The following AGBL1 variants were observed in gnomAD, a reference collection of about 807,000 sequenced individuals.
AGBL1 encodes cytosolic carboxypeptidase 4.
In AGBL1, 130 loss-of-function variants were observed where a neutral mutation model predicts 118.9. That is an observed-to-expected ratio of 1.09 (90% CI 0.95 to 1.26). The LOEUF (loss-of-function observed/expected upper bound fraction) is 1.26. Ranked by LOEUF, AGBL1 falls within the 50% of genes most tolerant of loss-of-function variation. The pLI is 0.00. For missense variants in AGBL1, 1,584 were observed against 1,298.1 expected, an observed-to-expected ratio of 1.22 and a Z score of -3.38; for synonymous variants, 555 against 478.9, an observed-to-expected ratio of 1.16 and a Z score of -2.08.
At chr15:86,769,798 G>T (rs147146385) in intron 22 of AGBL1, among the ~76,000 whole-genome samples, 1 of 152,050 alleles carries the variant, frequency 6.6e-6, no homozygotes, top group African/African-American at 2.4e-5. Context: ...AGACATGTTT[G>T]GGATGAGTAT....
chr15:86,397,522 A>G lies in AGBL1; in HGVS notation c.2531A>G (p.Asn844Ser), dbSNP rs753346758. The change falls in exon 18 of 23, where the codon AAC becomes AGC. Residue 844 changes from asparagine to serine, a missense_variant. By Grantham distance (46) the Asn-to-Ser change is conservative. Coordinates refer to ENST00000614907, the MANE Select transcript of AGBL1 (RefSeq NM_001386094.1). ...NFIFKIIPMLNPDGVINGNHR... is the reference protein window; with the variant it reads ...NFIFKIIPMLSPDGVINGNHR... Reference sequence around the variant, plus strand: ...ATCTTCAAGATCATACCCATGCTCAACCCAGATGGTGTCATCAACGGCAAG... The same window carrying G: ...ATCTTCAAGATCATACCCATGCTCAGCCCAGATGGTGTCATCAACGGCAAG... The G allele has an allele frequency of 1.2e-5, 20 of 1,611,014 alleles. No homozygotes were observed. The highest frequency in any genetic ancestry group is 1.6e-5 in the Non-Finnish European group (19 of 1,178,722).
At chr15:86,171,497 G>A (rs995298949) in intron 5 of AGBL1, among the ~76,000 whole-genome samples, 2 of 152,048 alleles carry the variant, frequency 1.3e-5, no homozygotes, top group African/African-American at 2.4e-5. Flanking sequence ...TAAGAGTTAC[G>A]GCTAATGAGT....
chr15:86,838,245 G>A (rs2141430723), intron 22 of AGBL1, among the ~76,000 whole-genome samples: 1 of 151,796 alleles, frequency 6.6e-6, no homozygotes, highest in African/African-American at 2.4e-5. Context: ...TTCCTGCTCT[G>A]AACACAGTGC....
chr15:86,234,994 G>T (rs775820019), intron 6 of AGBL1, among the ~76,000 whole-genome samples: 2 of 151,998 alleles, frequency 1.3e-5, no homozygotes, highest in Admixed American at 6.6e-5. Context: ...CTGTAAAAGC[G>T]CCAGATGATA....
chr15:86,534,643 C>G (rs991631325), intron 19 of AGBL1, among the ~76,000 whole-genome samples: 1 of 152,076 alleles, frequency 6.6e-6, no homozygotes, highest in Non-Finnish European at 1.5e-5. Flanking sequence ...GAAGCCCAGA[C>G]ACAGCAAAGT....
intron 1 of AGBL1, among the ~76,000 whole-genome samples, chr15:86,094,936 G>A (rs953760636): frequency 3.3e-5 from 5 of 152,164 alleles, no homozygotes; most frequent in African/African-American, 4.8e-5. Context: ...TTCTACTTCA[G>A]ATGCCAATCA....
At chr15:86,310,065 CT>C (rs1282607723) in intron 17 of AGBL1, among the ~76,000 whole-genome samples, 1 of 152,064 alleles carries the variant, frequency 6.6e-6, no homozygotes, top group Non-Finnish European at 1.5e-5. Flanking sequence ...CTGAGCTTTT[CT>C]TTGTTGGGAG....
intron 22 of AGBL1, among the ~76,000 whole-genome samples, chr15:86,708,058 C>T (rs1321069495): frequency 6.6e-6 from 1 of 152,136 alleles, no homozygotes; most frequent in African/African-American, 2.4e-5. Flanking sequence ...TACTGCTTGA[C>T]AATTGCCATT....
rs1256643398 is a variant in AGBL1 at position 86,909,482 on chromosome 15, C to T, written c.*2188C>T. The T allele has an allele frequency of 6.6e-6, 1 of 152,194 alleles. No homozygotes were observed. The highest frequency in any genetic ancestry group is 6.5e-5 in the Admixed American group (1 of 15,278). 9.4% of individuals were successfully genotyped at this position (152,194 alleles called of 1,614,324 possible). ...GTGTTGTGATTTTGGGAGTTGATAA[C>T]ATTATTAATAGTCTCTTATTTTTTT... On this transcript the variant is annotated 3_prime_UTR_variant, in exon 23 of 23. Transcript: ENST00000614907.
chr15:86,463,020 T>A (rs1359505365), intron 18 of AGBL1, among the ~76,000 whole-genome samples: 1 of 152,228 alleles, frequency 6.6e-6, no homozygotes, highest in African/African-American at 2.4e-5. Context: ...CCACACTGTC[T>A]TCCACAGTGG....
intron 3 of AGBL1, among the ~76,000 whole-genome samples, chr15:86,150,534 T>G (rs2141675566): frequency 6.6e-6 from 1 of 152,202 alleles, no homozygotes; most frequent in South Asian, 2.1e-4. Context: ...AAGAAATGGA[T>G]AAATTCCTGG....
chr15:86,774,711 G>C (rs2078228303), intron 22 of AGBL1, among the ~76,000 whole-genome samples: 2 of 151,972 alleles, frequency 1.3e-5, no homozygotes, highest in African/African-American at 4.8e-5. Context: ...TTATATTGAG[G>C]AAAACAAAGT....
intron 21 of AGBL1, among the ~76,000 whole-genome samples, chr15:86,619,754 C>A (rs1567086512): frequency 6.6e-6 from 1 of 152,120 alleles, no homozygotes; most frequent in Non-Finnish European, 1.5e-5. Flanking sequence ...AGGTACAATA[C>A]CCGGGGCAGA....
At chr15:86,527,963 C>A (rs1204408482) in intron 19 of AGBL1, among the ~76,000 whole-genome samples, 3 of 152,212 alleles carry the variant, frequency 2.0e-5, no homozygotes, top group Admixed American at 6.5e-5. Context: ...AACCACTTAT[C>A]CATCCACCCA....
chr15:86,350,215 C>A (rs1016689055), intron 17 of AGBL1, among the ~76,000 whole-genome samples: 2 of 152,146 alleles, frequency 1.3e-5, no homozygotes, highest in African/African-American at 4.8e-5. Flanking sequence ...TTAGGACAAC[C>A]TTATGAGGTG....
intron 17 of AGBL1, among the ~76,000 whole-genome samples, chr15:86,302,895 G>T (rs1567188363): frequency 6.6e-6 from 1 of 152,004 alleles, no homozygotes; most frequent in Non-Finnish European, 1.5e-5. Flanking sequence ...CTAAATGATA[G>T]GTAGCCTTCT....
intron 5 of AGBL1, among the ~76,000 whole-genome samples, chr15:86,162,933 GA>G (rs1256568622): frequency 7.9e-5 from 12 of 152,280 alleles, no homozygotes; most frequent in Non-Finnish European, 1.5e-4. Flanking sequence ...TTTCATCAGA[GA>G]AAAGGAATCT....
chr15:86,549,326 C>A (rs2142260226), intron 20 of AGBL1, among the ~76,000 whole-genome samples: 1 of 152,206 alleles, frequency 6.6e-6, no homozygotes, highest in Middle Eastern at 3.4e-3. Flanking sequence ...GAGTGGAAGT[C>A]TTATGCACTC....
intron 23 of AGBL1, among the ~76,000 whole-genome samples, chr15:86,931,492 CAA>C (rs1285706247): frequency 2.6e-5 from 4 of 151,834 alleles, no homozygotes; most frequent in African/African-American, 9.7e-5. Context: ...AGTTTGGTAA[CAA>C]TAGGAATCTA....
Sources: allele counts gnomAD v4.1 joint callset (sites outside exome capture counted in the v4.1 genomes callset), GRCh38; gene constraint gnomAD v4.1.1; transcripts MANE v1.5; gene names NCBI Gene and HGNC (gene_info 2026-07-23, HGNC 2026-07-21).